The following KCNJ5 variants were observed in gnomAD, a reference collection of about 807,000 sequenced individuals.
KCNJ5 encodes the protein potassium inwardly rectifying channel subfamily J member 5, also known as G protein-activated inward rectifier potassium channel 4.
In KCNJ5, 12 loss-of-function variants were observed where a neutral mutation model predicts 20.2. That is an observed-to-expected ratio of 0.59 (90% CI 0.38 to 0.96). The LOEUF is 0.96. Ranked by LOEUF, KCNJ5 falls within the 40% of genes least tolerant of loss-of-function variation. The pLI, the probability that KCNJ5 is intolerant of heterozygous loss-of-function variation, is 0.00. For synonymous variants in KCNJ5, 210 were observed against 213.9 expected (o/e 0.98, Z 0.16); for missense variants, 449 against 557.6 (o/e 0.81, Z 1.96).
Position 128,911,203 on chromosome 11 carries a change from A to C in KCNJ5, c.-10-61A>C. 1 of 1,414,370 alleles carries C rather than the reference A, an allele frequency of 7.1e-7. No homozygotes were observed. The highest frequency in any genetic ancestry group is 1.0e-6 in the Non-Finnish European group (1 of 1,002,234). 87.6% of individuals were successfully genotyped at this position (1,414,370 alleles called of 1,614,324 possible). ...AGCCCCGGGGTGGGGGTGGCCTTCC[A>C]TCTTGTGTTCTAGTGAATCAGAACA... On this transcript the variant is annotated intron_variant, in intron 1 of 2. Transcript: ENST00000529694. This position sits in a 1 kb window ranked among gnomAD's most constrained non-coding sequence, Gnocchi z 6.3.
In KCNJ5 at chr11:128,899,750, A is replaced by G. The variant is rs1944239061; in HGVS notation, c.-11+8029A>G. On this transcript the variant is annotated intron_variant, in intron 1 of 2. Transcript: ENST00000529694. ...CGTGGGGAAAAAGCAAAATTAATTA[A>G]TTTGATTTCCGTGCCCTTTTCATGG... is the stretch of plus-strand genomic sequence containing the variant. 2.0e-5 allele frequency: 3 copies of G among 152,176 alleles called. No homozygotes were observed. The South Asian group carries it at 6.2e-4, about 31-fold the overall frequency. 9.4% of individuals were successfully genotyped at this position (152,176 alleles called of 1,614,324 possible).
At chr11:128,913,585 T>TTC (rs1470098963) in intron 2 of KCNJ5, among the ~76,000 whole-genome samples, 3 of 151,358 alleles carry the variant, frequency 2.0e-5, no homozygotes, top group African/African-American at 7.3e-5. Context: ...TCTCTCTCTT[T>TTC]TTTTTTTCAA....
chr11:128,916,304 G>A, intron 2 of KCNJ5, 105 bp from the exon 3 acceptor site: 1 of 866,172 alleles, frequency 1.2e-6, no homozygotes, highest in East Asian at 2.5e-5. Flanking sequence ...ATGGATGGAT[G>A]GATGGATAGA....
chr11:128,903,362 C>T (rs1389779528), intron 1 of KCNJ5: 5 of 1,614,090 alleles, frequency 3.1e-6, no homozygotes, highest in Admixed American at 3.3e-5. Context: ...GGCAGCTGCA[C>T]TCACCTCACA....
At chr11:128,898,198 G>A (rs976219840) in intron 1 of KCNJ5, among the ~76,000 whole-genome samples, 4 of 152,150 alleles carry the variant, frequency 2.6e-5, no homozygotes, top group African/African-American at 4.8e-5. Flanking sequence ...AAAATCTTGT[G>A]AGATTTTGAT....
chr11:128,897,093 C>CT (rs35966521), intron 1 of KCNJ5, among the ~76,000 whole-genome samples: 17,112 of 100,110 alleles, frequency 0.17, 2,494 homozygotes, highest in African/African-American at 0.19. Context: ...CCGTTTACCA[C>CT]TTTTTTTTTT....
chr11:128,912,667 C>A (rs11221511), intron 2 of KCNJ5, among the ~76,000 whole-genome samples: 4 of 152,044 alleles, frequency 2.6e-5, no homozygotes, highest in Non-Finnish European at 5.9e-5. Context: ...CCCGCCACTG[C>A]GCCTGGCTAA....
chr11:128,898,959 C>T (rs1313693588), intron 1 of KCNJ5, among the ~76,000 whole-genome samples: 2 of 152,250 alleles, frequency 1.3e-5, no homozygotes, highest in Non-Finnish European at 2.9e-5. Flanking sequence ...GGATTACAGG[C>T]GTGAGCCGCC....
chr11:128,910,639 C>T (rs1414043811), intron 1 of KCNJ5, among the ~76,000 whole-genome samples: 2 of 152,188 alleles, frequency 1.3e-5, no homozygotes, highest in Non-Finnish European at 1.5e-5. Flanking sequence ...TCTTTGGAAG[C>T]CTGTTTTTTT....
At chr11:128,909,823 G>C (rs1486886328) in intron 1 of KCNJ5, 1 of 152,254 alleles carries the variant, frequency 6.6e-6, no homozygotes, top group Non-Finnish European at 1.5e-5. Context: ...AGGGTTGAAA[G>C]ATAGTATCCC....
intron 1 of KCNJ5, chr11:128,905,789 T>A (rs1280171293): frequency 1.3e-5 from 2 of 152,476 alleles, no homozygotes; most frequent in Non-Finnish European, 2.9e-5. Flanking sequence ...GTTCCCGGTC[T>A]CGTAGACGCT....
intron 1 of KCNJ5, chr11:128,902,386 G>A (rs1944299849): frequency 2.6e-6 from 2 of 765,430 alleles, no homozygotes; most frequent in Non-Finnish European, 4.2e-6. Flanking sequence ...TGAACTGGAG[G>A]ACTATCGCAC....
intron 1 of KCNJ5, among the ~76,000 whole-genome samples, chr11:128,908,692 A>C (rs1944458169): frequency 6.6e-6 from 1 of 152,232 alleles, no homozygotes; most frequent in Non-Finnish European, 1.5e-5. Flanking sequence ...GTTTCCCCAA[A>C]GAGCTGAGTA....
intron 1 of KCNJ5, among the ~76,000 whole-genome samples, chr11:128,908,457 A>T (rs941912735): frequency 2.0e-5 from 3 of 152,206 alleles, no homozygotes; most frequent in Admixed American, 2.0e-4. Flanking sequence ...GCAAGGGATG[A>T]CTTCTGCGGA....
At chr11:128,898,216 G>A (rs1944207104) in intron 1 of KCNJ5, among the ~76,000 whole-genome samples, 1 of 152,190 alleles carries the variant, frequency 6.6e-6, no homozygotes, top group Non-Finnish European at 1.5e-5. Flanking sequence ...GATAGAAATT[G>A]CATTGAATCT....
Position 128,911,766 on chromosome 11 carries a change from A to T in KCNJ5, c.493A>T (p.Ile165Phe), listed in dbSNP as rs1340081094. ...RVITEKCPEGIILLLVQAILG... is the reference protein window; with the variant it reads ...RVITEKCPEGFILLLVQAILG... ...CATCACAGAGAAGTGTCCAGAGGGGATTATACTCCTCTTGGTCCAGGCCAT... is the reference window on the plus strand; with the variant it reads ...CATCACAGAGAAGTGTCCAGAGGGGTTTATACTCCTCTTGGTCCAGGCCAT... The change falls in exon 2 of 3, where the codon ATT (isoleucine) becomes TTT (phenylalanine). Residue 165 changes from isoleucine (I) to phenylalanine (F), a missense_variant. By Grantham distance (21) the Ile-to-Phe change is conservative. Around this residue, in one of 5 missense-constraint regions of KCNJ5, gnomAD observed 203 missense variants for 258.0 expected, o/e 0.79. Transcript: ENST00000529694. The surrounding 1 kb of genome is among the most constrained non-coding windows in gnomAD (Gnocchi z 6.3). The T allele has an allele frequency of 1.2e-6, 2 of 1,614,010 alleles. No homozygotes were observed. The highest frequency in any genetic ancestry group is 1.7e-6 in the Non-Finnish European group (2 of 1,179,958).
At chr11:128,913,873 C>T (rs1194068408) in intron 2 of KCNJ5, among the ~76,000 whole-genome samples, 1 of 152,214 alleles carries the variant, frequency 6.6e-6, no homozygotes, top group African/African-American at 2.4e-5. Flanking sequence ...GCACACATTC[C>T]AGCCCCCAGG....
chr11:128,905,556 C>T (rs1306666623), intron 1 of KCNJ5: 1 of 152,368 alleles, frequency 6.6e-6, no homozygotes, highest in Admixed American at 6.5e-5. Context: ...AACCTCCTCC[C>T]CTTCTCTCGC....
At chr11:128,915,986 T>A (rs371542776) in intron 2 of KCNJ5, among the ~76,000 whole-genome samples, 1 of 132,454 alleles carries the variant, frequency 7.5e-6, no homozygotes, top group African/African-American at 2.9e-5. Flanking sequence ...GGATGGATGA[T>A]TGGATGGATG....
Sources: gnomAD v4.1 joint callset for allele counts (sites outside exome capture counted in the v4.1 genomes callset) on GRCh38, gnomAD v4.1.1 for gene constraint, gnomAD v4.1.1 regional missense constraint, Gnocchi (gnomAD v3.1) non-coding constraint, MANE v1.5 for transcripts, NCBI Gene and HGNC (gene_info 2026-07-23, HGNC 2026-07-21) for gene names.